CSMD2: variants seen among roughly 807,000 people sequenced by gnomAD.
CSMD2 encodes CUB and Sushi multiple domains 2.
A neutral mutation model predicts 398.5 loss-of-function variants in CSMD2; 130 were observed. The observed-to-expected ratio is 0.33, with a 90% CI of 0.28 to 0.38. The LOEUF is 0.38. Ranked by LOEUF, CSMD2 falls within the 10% of genes least tolerant of loss-of-function variation. The pLI is 1.00. For missense variants in CSMD2, 3,829 were observed against 4,764.9 expected (o/e 0.80, Z 5.78); for synonymous variants, 1,828 against 1,908.5 (o/e 0.96, Z 1.10).
chr1:33,768,552 G>A (rs1203483873), intron 13 of CSMD2, among the ~76,000 whole-genome samples: 1 of 149,308 alleles, frequency 6.7e-6, no homozygotes, highest in Non-Finnish European at 1.5e-5. Flanking sequence ...GTGTGTGTGT[G>A]TGTGTGTGTG....
intron 23 of CSMD2, among the ~76,000 whole-genome samples, chr1:33,699,399 C>T (rs10798982): frequency 0.31 from 47,005 of 152,140 alleles, 8,539 homozygotes; most frequent in Middle Eastern, 0.47. Context: ...TCCCACTCTA[C>T]GGCGCTATAC....
At chr1:33,660,860 C>T (rs1233274126) in intron 26 of CSMD2, among the ~76,000 whole-genome samples, 1 of 152,164 alleles carries the variant, frequency 6.6e-6, no homozygotes, top group Non-Finnish European at 1.5e-5. Context: ...ATGGCATGAC[C>T]CTGTCTTCTA....
rs1641392220 is a variant in CSMD2, at chr1:33,616,447, A to T, written c.6016+459T>A. On this transcript the variant is annotated intron_variant, in intron 39 of 70. Transcript: ENST00000373381. ...GAGATGGGGTTTCACCATGTTGGCC[A>T]GGCTGGTCTCGAACTCCTGACTTCA... is the stretch of plus-strand genomic sequence containing the variant. Among the ~76,000 whole-genome samples the T allele has an allele frequency of 2.6e-5, 4 of 152,220 alleles. No homozygotes were observed. The South Asian group carries it at 8.3e-4, about 32-fold the overall frequency.
chr1:33,882,294 G>A (rs979014220), intron 5 of CSMD2: 1 of 152,270 alleles, frequency 6.6e-6, no homozygotes, highest in African/African-American at 2.4e-5. Flanking sequence ...GGAGTGGGGT[G>A]GCCAGAGGTA....
intron 52 of CSMD2, among the ~76,000 whole-genome samples, chr1:33,569,092 A>G (rs1034870089): frequency 1.3e-5 from 2 of 152,198 alleles, no homozygotes; most frequent in Non-Finnish European, 2.9e-5. Flanking sequence ...TTCACTCATT[A>G]TACAAAGGCC....
At chr1:33,620,264 C>G (rs1160998006) in intron 37 of CSMD2, among the ~76,000 whole-genome samples, 2 of 152,138 alleles carry the variant, frequency 1.3e-5, no homozygotes, top group Non-Finnish European at 2.9e-5. Context: ...TTTCAGTACC[C>G]TTCAAAACCA....
chr1:33,910,527 G>C (rs1164371092), intron 5 of CSMD2, among the ~76,000 whole-genome samples: 3 of 152,222 alleles, frequency 2.0e-5, no homozygotes, highest in African/African-American at 7.2e-5. Context: ...CCCAGCCTGA[G>C]TTTTGGGGAG....
chr1:33,823,081 C>T (rs988922747), intron 7 of CSMD2, among the ~76,000 whole-genome samples: 15 of 152,152 alleles, frequency 9.9e-5, no homozygotes, highest in Non-Finnish European at 1.8e-4. Flanking sequence ...CCCATCAGGA[C>T]GGGGCTGGAC....
intron 27 of CSMD2, among the ~76,000 whole-genome samples, chr1:33,656,926 GCATTGA>G (rs1188198812): frequency 6.6e-6 from 1 of 152,186 alleles, no homozygotes; most frequent in Non-Finnish European, 1.5e-5. Context: ...CTAACAGCCA[GCATTGA>G]CAGGGGAGAT....
intron 6 of CSMD2, among the ~76,000 whole-genome samples, chr1:33,827,094 C>A (rs760517809): frequency 6.6e-6 from 1 of 152,194 alleles, no homozygotes; most frequent in Non-Finnish European, 1.5e-5. Flanking sequence ...CATCCTGATT[C>A]AAGTCTGAGA....
At chr1:33,819,397 T>C (rs1570105986) in intron 9 of CSMD2, among the ~76,000 whole-genome samples, 1 of 152,172 alleles carries the variant, frequency 6.6e-6, no homozygotes, top group East Asian at 1.9e-4. Flanking sequence ...CTTTCCTATC[T>C]AGGTGTGGTT....
At chr1:33,741,145 A>G (rs1211214550) in intron 14 of CSMD2, among the ~76,000 whole-genome samples, 1 of 152,052 alleles carries the variant, frequency 6.6e-6, no homozygotes, top group Non-Finnish European at 1.5e-5. Flanking sequence ...CGGGAGTTCT[A>G]GGGGTGGAAG....
intron 5 of CSMD2, among the ~76,000 whole-genome samples, chr1:33,869,983 A>T (rs759128768): frequency 5.9e-5 from 9 of 152,232 alleles, no homozygotes; most frequent in Non-Finnish European, 8.8e-5. Context: ...AGAAGTTGGT[A>T]TCAGTTGCAA....
intron 1 of CSMD2, among the ~76,000 whole-genome samples, chr1:34,112,563 G>C (rs1449117231): frequency 2.0e-5 from 3 of 152,220 alleles, no homozygotes; most frequent in African/African-American, 7.2e-5. Context: ...TTCTTCTCCT[G>C]TGGGCATACT....
chr1:33,872,400 G>C (rs1214496551), intron 5 of CSMD2, among the ~76,000 whole-genome samples: 1 of 152,182 alleles, frequency 6.6e-6, no homozygotes, highest in East Asian at 1.9e-4. Context: ...CTGTGGGTGT[G>C]ACTGTGGGCC....
chr1:34,010,377 C>T (rs368737793), intron 3 of CSMD2, among the ~76,000 whole-genome samples: 10 of 152,230 alleles, frequency 6.6e-5, no homozygotes, highest in African/African-American at 2.2e-4. Context: ...GATAATCCAT[C>T]ATCTACGAGC....
chr1:33,923,284 T>C (rs1486837629), intron 4 of CSMD2, among the ~76,000 whole-genome samples: 1 of 152,130 alleles, frequency 6.6e-6, no homozygotes, highest in African/African-American at 2.4e-5. Context: ...GCTGTCCTTG[T>C]GACAGTGAGT....
chr1:33,675,726 C>T (rs1393844271), intron 25 of CSMD2, among the ~76,000 whole-genome samples: 10 of 152,064 alleles, frequency 6.6e-5, no homozygotes, highest in Non-Finnish European at 1.2e-4. Context: ...ACTGGCAAAC[C>T]GAATCCAGCA....
At chr1:33,780,573 A>G (rs766901020) in intron 12 of CSMD2, among the ~76,000 whole-genome samples, 1 of 152,248 alleles carries the variant, frequency 6.6e-6, no homozygotes, top group Non-Finnish European at 1.5e-5. Context: ...TGTCTGCATT[A>G]GCCCCAAACT....
Sources: gnomAD v4.1 joint callset for allele counts (sites outside exome capture counted in the v4.1 genomes callset) on GRCh38, gnomAD v4.1.1 for gene constraint, MANE v1.5 for transcripts, NCBI Gene and HGNC (gene_info 2026-07-23, HGNC 2026-07-21) for gene names.